The following ZDHHC14 variants were observed in gnomAD, a reference collection of about 807,000 sequenced individuals.
The protein encoded by ZDHHC14 is palmitoyltransferase ZDHHC14.
ZDHHC14 carries 16 observed loss-of-function variants against 47.7 expected under a neutral mutation model. That is an observed-to-expected ratio of 0.34 (90% CI 0.23 to 0.51). The LOEUF is 0.51. ZDHHC14 is among the 20% of genes least tolerant of loss of function. The pLI is 0.97. For synonymous variants in ZDHHC14, 293 were observed against 278.9 expected (o/e 1.05, Z -0.50); for missense variants, 515 against 662.5 (o/e 0.78, Z 2.44).
intron 1 of ZDHHC14, among the ~76,000 whole-genome samples, chr6:157,446,131 T>C (rs1778662472): frequency 6.6e-6 from 1 of 152,220 alleles, no homozygotes; most frequent in South Asian, 2.1e-4. Flanking sequence ...ATACCTATCT[T>C]TGGTGATATT....
rs1226888757 is a variant in ZDHHC14 at position 157,669,112 on chromosome 6, T to C, written c.1069-3612T>C. 2.0e-5 allele frequency among the ~76,000 whole-genome samples: 3 copies of C among 152,134 alleles called. No homozygotes were observed. In the East Asian group the frequency reaches 5.8e-4, roughly 29 times the overall value. Reference sequence around the variant, plus strand: ...GCAAAGGGATGTTTGCAAATGGAAGTCTCCGAAGGTGCACCCAACTCTGCA... The same window carrying C: ...GCAAAGGGATGTTTGCAAATGGAAGCCTCCGAAGGTGCACCCAACTCTGCA... On this transcript the variant is annotated intron_variant, in intron 8 of 8. Transcript: ENST00000359775.
chr6:157,594,147 T>C (rs1784024773), intron 3 of ZDHHC14, among the ~76,000 whole-genome samples: 1 of 152,250 alleles, frequency 6.6e-6, no homozygotes, highest in African/African-American at 2.4e-5. Context: ...GTCTCAATTC[T>C]TCTTGAGAAA....
At chr6:157,415,380 G>T (rs1359572601) in intron 1 of ZDHHC14, among the ~76,000 whole-genome samples, 1 of 152,160 alleles carries the variant, frequency 6.6e-6, no homozygotes. Flanking sequence ...AGGCAGTAAG[G>T]ACAGGGAGTG....
chr6:157,437,930 T>G, intron 1 of ZDHHC14, among the ~76,000 whole-genome samples: 1 of 152,192 alleles, frequency 6.6e-6, no homozygotes, highest in East Asian at 1.9e-4. Context: ...CCAGGTTTAC[T>G]TTCTTTTTAT....
intron 2 of ZDHHC14, among the ~76,000 whole-genome samples, chr6:157,554,781 CT>C: frequency 6.6e-6 from 1 of 152,354 alleles, no homozygotes; most frequent in East Asian, 1.9e-4. Context: ...GTGATCACCA[CT>C]GTGATGGTGG....
chr6:157,421,118 G>T (rs1173447349), intron 1 of ZDHHC14, among the ~76,000 whole-genome samples: 1 of 152,048 alleles, frequency 6.6e-6, no homozygotes, highest in Non-Finnish European at 1.5e-5. Flanking sequence ...ATAAAGATGG[G>T]TGTTATTATG....
intron 1 of ZDHHC14, among the ~76,000 whole-genome samples, chr6:157,388,609 T>C (rs918892822): frequency 2.0e-5 from 3 of 152,190 alleles, no homozygotes; most frequent in Admixed American, 2.0e-4. Flanking sequence ...CAGATAAGGG[T>C]TGGGGACTAA....
chr6:157,558,286 C>T (rs1782561547), intron 2 of ZDHHC14, among the ~76,000 whole-genome samples: 2 of 151,878 alleles, frequency 1.3e-5, no homozygotes, highest in South Asian at 4.1e-4. Context: ...TACTCTGAGC[C>T]AGGTGACATT....
intron 1 of ZDHHC14, among the ~76,000 whole-genome samples, chr6:157,539,573 A>G (rs9457722): frequency 0.4 from 60,290 of 151,914 alleles, 12,129 homozygotes; most frequent in Admixed American, 0.45. Context: ...GAAGAGGGAA[A>G]GAGGAAGACA....
chr6:157,542,717 T>A lies in ZDHHC14; in HGVS notation c.378T>A (p.Asp126Glu), dbSNP rs1781814999. The change falls in exon 2 of 9, where the codon GAT becomes GAA. Residue 126 changes from aspartate to glutamate, a missense_variant. Asp to Glu is a conservative substitution (Grantham distance 45). Around this residue, in one of 4 missense-constraint regions of ZDHHC14, gnomAD observed 229 missense variants for 351.5 expected, o/e 0.65. Transcript: ENST00000359775. ...DPGVLPRATP[D>E]EAADLERQID... The stretch of plus-strand genomic sequence containing the variant: ...GAGTCCTCCCACGAGCCACGCCTGA[T>A]GAAGCCGCCGATCTGGAAAGGCAAA... The A allele has an allele frequency of 6.2e-7, 1 of 1,613,680 alleles. No individual in the cohort carries two copies. The highest frequency in any genetic ancestry group is 8.5e-7 in the Non-Finnish European group (1 of 1,180,004).
At chr6:157,416,899 C>T (rs1184384335) in intron 1 of ZDHHC14, among the ~76,000 whole-genome samples, 3 of 147,700 alleles carry the variant, frequency 2.0e-5, no homozygotes, top group Non-Finnish European at 4.4e-5. Context: ...CTCTGCCTCC[C>T]GAGTTCAAGC....
At chr6:157,609,226 A>G (rs925466160) in intron 3 of ZDHHC14, among the ~76,000 whole-genome samples, 1 of 152,172 alleles carries the variant, frequency 6.6e-6, no homozygotes, top group Non-Finnish European at 1.5e-5. Context: ...ATCAGCTCCA[A>G]AGAGCCAGAG....
chr6:157,476,139 GA>G (rs1779477417), intron 1 of ZDHHC14, among the ~76,000 whole-genome samples: 1 of 151,952 alleles, frequency 6.6e-6, no homozygotes, highest in African/African-American at 2.4e-5. Context: ...GTAAACAATA[GA>G]AAAGATAAAT....
chr6:157,593,190 C>A, intron 3 of ZDHHC14, 44 bp downstream of exon 3: 1 of 1,577,608 alleles, frequency 6.3e-7, no homozygotes, highest in South Asian at 1.2e-5. Context: ...CCGGGTCCTC[C>A]GGGTGGGTTT....
intron 1 of ZDHHC14, among the ~76,000 whole-genome samples, chr6:157,448,230 T>C (rs1562429048): frequency 6.6e-6 from 1 of 152,180 alleles, no homozygotes; most frequent in African/African-American, 2.4e-5. Flanking sequence ...AAGGTCTGAC[T>C]TCAAGTAACT....
chr6:157,427,448 C>G lies in ZDHHC14; in HGVS notation c.245+45182C>G, dbSNP rs889241065. ...GAATCTGCTTCCCACTCTGCTTTCTCCAGCAGGGCCTACCAGCATGGGTTG... is the reference window on the plus strand; with the variant it reads ...GAATCTGCTTCCCACTCTGCTTTCTGCAGCAGGGCCTACCAGCATGGGTTG... On this transcript the variant is annotated intron_variant, in intron 1 of 8. Transcript: ENST00000359775. The surrounding 1 kb of genome is among the most constrained non-coding windows in gnomAD (Gnocchi z 4.4). Among the ~76,000 whole-genome samples the G allele has an allele frequency of 2.0e-5, 3 of 152,070 alleles. No homozygotes were observed. Among genetic ancestry groups the G allele is most frequent in the African/African-American group, 7.2e-5 (3 of 41,410 alleles).
intron 3 of ZDHHC14, 88 bp downstream of exon 3, chr6:157,593,234 G>A: frequency 6.9e-7 from 1 of 1,451,836 alleles, no homozygotes; most frequent in Non-Finnish European, 9.3e-7. Flanking sequence ...GGAACACTCA[G>A]TAATGGTTAA....
At chr6:157,486,692 CG>C (rs1164914085) in intron 1 of ZDHHC14, among the ~76,000 whole-genome samples, 21 of 152,008 alleles carry the variant, frequency 1.4e-4, no homozygotes, top group Admixed American at 1.1e-3. Flanking sequence ...ACAGGGAGCC[CG>C]AGGGAAGAGC....
At chr6:157,459,898 A>C (rs1779026430) in intron 1 of ZDHHC14, among the ~76,000 whole-genome samples, 1 of 150,166 alleles carries the variant, frequency 6.7e-6, no homozygotes. Flanking sequence ...AACATAGCAA[A>C]AGCTCTGTCC....
Sources: allele counts gnomAD v4.1 joint callset (sites outside exome capture counted in the v4.1 genomes callset), GRCh38; gene constraint gnomAD v4.1.1; regional missense constraint gnomAD v4.1.1; non-coding constraint Gnocchi (gnomAD v3.1); transcripts MANE v1.5; gene names NCBI Gene and HGNC (gene_info 2026-07-23, HGNC 2026-07-21).